The following THADA variants were observed in gnomAD, a reference collection of about 807,000 sequenced individuals.
The protein encoded by THADA is tRNA (32-2'-O)-methyltransferase regulator THADA.
A neutral mutation model predicts 219.8 loss-of-function variants in THADA; 213 were observed. That is an observed-to-expected ratio of 0.97 (90% CI 0.87 to 1.09). The LOEUF (loss-of-function observed/expected upper bound fraction) is 1.09, where lower values mean the gene tolerates loss of function less well. Ranked by LOEUF, THADA falls within the 50% of genes least tolerant of loss-of-function variation. The probability of loss-of-function intolerance (pLI) is 0.00; values close to 1 mark genes in which losing one functional copy is unlikely to be tolerated. For missense variants in THADA, 2,956 were observed against 2,311.3 expected (o/e 1.28, Z -5.72); for synonymous variants, 1,018 against 828.9 (o/e 1.23, Z -3.92).
chr2:43,583,902 T>C (rs545082472), intron 7 of THADA, among the ~76,000 whole-genome samples: 28 of 151,742 alleles, frequency 1.8e-4, no homozygotes, highest in African/African-American at 5.6e-4. Context: ...AAACAGGGCA[T>C]AGTGGCGGAC....
At chr2:43,525,503 G>A (rs1693060654) in intron 22 of THADA, among the ~76,000 whole-genome samples, 2 of 152,198 alleles carry the variant, frequency 1.3e-5, no homozygotes, top group Non-Finnish European at 2.9e-5. Context: ...TCTGGGGGAA[G>A]CAAGCTGCCA....
chr2:43,474,667 TC>T (rs1275315296), intron 26 of THADA, among the ~76,000 whole-genome samples: 1 of 152,112 alleles, frequency 6.6e-6, no homozygotes, highest in African/African-American at 2.4e-5. Context: ...AAAGAAGAAA[TC>T]AAGTGAATTG....
intron 28 of THADA, among the ~76,000 whole-genome samples, chr2:43,426,324 A>G (rs1272964202): frequency 6.6e-6 from 1 of 152,216 alleles, no homozygotes; most frequent in Non-Finnish European, 1.5e-5. Context: ...CTGAGTAGTA[A>G]AAAGCTTCCA....
At chr2:43,580,264 C>T (rs1462807277) in intron 8 of THADA, among the ~76,000 whole-genome samples, 1 of 151,904 alleles carries the variant, frequency 6.6e-6, no homozygotes, top group African/African-American at 2.4e-5. Context: ...TGGTCTCAAT[C>T]TCCTGACCTC....
At chr2:43,528,370 T>C (rs1387759030) in intron 21 of THADA, among the ~76,000 whole-genome samples, 1 of 152,158 alleles carries the variant, frequency 6.6e-6, no homozygotes, top group Admixed American at 6.5e-5. Context: ...CCTCAGGTGA[T>C]CTGCCCACCT....
chr2:43,300,799 A>G (rs992394510), intron 31 of THADA, among the ~76,000 whole-genome samples: 1 of 152,110 alleles, frequency 6.6e-6, no homozygotes, highest in Non-Finnish European at 1.5e-5. Context: ...GCTTGGAAAA[A>G]ATATTCTGTT....
intron 28 of THADA, among the ~76,000 whole-genome samples, chr2:43,407,805 G>C (rs4128684): frequency 0.039 from 5,961 of 151,816 alleles, 406 homozygotes; most frequent in African/African-American, 0.13. Flanking sequence ...TTAAAATAAA[G>C]TATATAATAT....
chr2:43,512,354 C>T (rs896511588), intron 22 of THADA, among the ~76,000 whole-genome samples: 1 of 152,214 alleles, frequency 6.6e-6, no homozygotes, highest in Non-Finnish European at 1.5e-5. Flanking sequence ...TGCTTCTCAG[C>T]TCTGCACCTC....
intron 28 of THADA, among the ~76,000 whole-genome samples, chr2:43,426,619 G>T (rs1417262264): frequency 6.6e-6 from 1 of 152,178 alleles, no homozygotes; most frequent in Admixed American, 6.5e-5. Context: ...TGTGATCAAA[G>T]ATAACACAGC....
chr2:43,364,547 A>G (rs1323120488), intron 29 of THADA, among the ~76,000 whole-genome samples: 2 of 152,190 alleles, frequency 1.3e-5, no homozygotes, highest in Non-Finnish European at 2.9e-5. Context: ...CCCCGTGGAG[A>G]AAAATGGCTC....
intron 27 of THADA, among the ~76,000 whole-genome samples, chr2:43,429,107 G>A (rs368173791): frequency 6.8e-6 from 1 of 146,384 alleles, no homozygotes; most frequent in East Asian, 2.0e-4. Context: ...ATGTGTGTGT[G>A]TTTTTTTTTT....
chr2:43,260,351 T>G (rs1360600792), intron 36 of THADA, among the ~76,000 whole-genome samples: 3 of 152,228 alleles, frequency 2.0e-5, no homozygotes, highest in African/African-American at 7.2e-5. Flanking sequence ...GCGTGTCCTG[T>G]TCACATCTTT....
rs571715454 is a variant in THADA at position 43,331,176 on chromosome 2, G to C, written c.4344-10636C>G. Among the ~76,000 whole-genome samples the C allele has an allele frequency of 1.6e-4, 25 of 152,268 alleles. No homozygotes were observed. The South Asian group carries it at 5.2e-3, about 32-fold the overall frequency. Reference sequence around the variant, plus strand: ...CTTGTTTGAAGAATGAATTCCACTGGATTAGACGATCTCTAAATTCCCTTT... The same window carrying C: ...CTTGTTTGAAGAATGAATTCCACTGCATTAGACGATCTCTAAATTCCCTTT... On this transcript the variant is annotated intron_variant, in intron 30 of 37. Transcript: ENST00000405975.
At chr2:43,254,897 C>A (rs1219716131) in intron 36 of THADA, among the ~76,000 whole-genome samples, 1 of 152,158 alleles carries the variant, frequency 6.6e-6, no homozygotes, top group African/African-American at 2.4e-5. Flanking sequence ...ATCCTTGTCT[C>A]CTGCACTCTT....
chr2:43,254,031 C>A (rs1670068523), intron 36 of THADA, among the ~76,000 whole-genome samples: 1 of 151,976 alleles, frequency 6.6e-6, no homozygotes, highest in African/African-American at 2.4e-5. Context: ...GCTAACCCTA[C>A]CCTCAACTCC....
intron 26 of THADA, among the ~76,000 whole-genome samples, chr2:43,462,341 G>C (rs911031167): frequency 4.6e-5 from 7 of 152,124 alleles, no homozygotes; most frequent in African/African-American, 1.7e-4. Context: ...CATTTGAAAA[G>C]TATAAAGAGA....
intron 28 of THADA, among the ~76,000 whole-genome samples, chr2:43,407,768 C>T (rs1573503852): frequency 2.9e-5 from 4 of 139,420 alleles, no homozygotes; most frequent in Admixed American, 2.8e-4. Flanking sequence ...AATATTTTCT[C>T]TCATTTTTAG....
chr2:43,306,069 C>T (rs1288677040), intron 31 of THADA, among the ~76,000 whole-genome samples: 1 of 151,774 alleles, frequency 6.6e-6, no homozygotes, highest in Non-Finnish European at 1.5e-5. Context: ...TCACTGCAGC[C>T]TTCCCGGGCT....
At position 43,572,999 on chromosome 2, in the gene THADA, G is replaced by C; in HGVS notation, c.1730-7C>G. Reference sequence around the variant, plus strand: ...GGGAAAGATTGCTCTTGTCCTGAAAGCACAATAACAAAGACCATTACTGTA... The same window carrying C: ...GGGAAAGATTGCTCTTGTCCTGAAACCACAATAACAAAGACCATTACTGTA... On this transcript the variant is annotated splice_polypyrimidine_tract_variant and splice_region_variant and intron_variant, in intron 11 of 37. Transcript: ENST00000405975. 6.2e-7 allele frequency: 1 copy of C among 1,611,802 alleles called. No homozygotes were observed.
Sources: gnomAD v4.1 joint callset for allele counts (sites outside exome capture counted in the v4.1 genomes callset) on GRCh38, gnomAD v4.1.1 for gene constraint, MANE v1.5 for transcripts, NCBI Gene and HGNC (gene_info 2026-07-23, HGNC 2026-07-21) for gene names.